C3orf52: variants seen among roughly 807,000 people sequenced by gnomAD.
C3orf52 encodes chromosome 3 open reading frame 52.
In C3orf52, 22 loss-of-function variants were observed where a neutral mutation model predicts 24.8. The observed-to-expected ratio is 0.89, with a 90% CI of 0.63 to 1.27. The LOEUF is 1.27. Among genes scored for constraint, C3orf52 ranks in the 50% most tolerant of loss-of-function variants. The pLI is 0.00. For synonymous variants in C3orf52, 93 were observed against 100.2 expected (o/e 0.93, Z 0.43); for missense variants, 265 against 260.7 (o/e 1.02, Z -0.11).
At position 112,093,405 on chromosome 3, in the gene C3orf52, G is replaced by A. The variant is rs2073896975; in HGVS notation, c.184G>A (p.Gly62Arg). The change falls in exon 2 of 6, where the codon GGA becomes AGA. Residue 62 changes from glycine (G) to arginine (R), a missense_variant. Gly to Arg is a moderately radical substitution (Grantham distance 125). Coordinates refer to ENST00000264848, the MANE Select transcript of C3orf52 (RefSeq NM_024616.3). The stretch of plus-strand genomic sequence containing the variant: ...GAGCTCCTGTAATAAGAATGTGGTT[G>A]GAAGATGCAAACTGTGGATGATCAT... ...PWSSCNKNVV[G>R]RCKLWMIITS... 1 of 1,613,762 alleles carries A rather than the reference G, an allele frequency of 6.2e-7. No individual in the cohort carries two copies. Among genetic ancestry groups the A allele is most frequent in the South Asian group, 1.1e-5 (1 of 91,078 alleles).
At chr3:112,095,587 A>G (rs1289653906) in intron 2 of C3orf52, among the ~76,000 whole-genome samples, 2 of 152,240 alleles carry the variant, frequency 1.3e-5, no homozygotes, top group African/African-American at 4.8e-5. Context: ...GTTATGGGAT[A>G]ATATTCAGGG....
At chr3:112,087,844 C>T (rs1181206758) in intron 1 of C3orf52, among the ~76,000 whole-genome samples, 1 of 152,172 alleles carries the variant, frequency 6.6e-6, no homozygotes, top group Non-Finnish European at 1.5e-5. Context: ...GACTCCCTAG[C>T]TTGGGGCTGA....
intron 4 of C3orf52, chr3:112,125,081 C>T: frequency 1.5e-6 from 1 of 670,686 alleles, no homozygotes; most frequent in Non-Finnish European, 2.7e-6. Context: ...CCTGCACCTG[C>T]CACCCGAGTT....
downstream of C3orf52, chr3:112,129,984 G>A (rs1330435432): frequency 6.3e-6 from 1 of 157,734 alleles, no homozygotes; most frequent in Non-Finnish European, 1.4e-5. Context: ...AAGAATTAAT[G>A]AGGTGGTCTT....
At chr3:112,103,324 T>A (rs1426745336) in intron 3 of C3orf52, among the ~76,000 whole-genome samples, 5 of 152,262 alleles carry the variant, frequency 3.3e-5, no homozygotes, top group Non-Finnish European at 7.4e-5. Context: ...GACACGAGTT[T>A]ACCTATAGAA....
chr3:112,116,389 C>T (rs2074133463), intron 5 of C3orf52, among the ~76,000 whole-genome samples: 1 of 152,148 alleles, frequency 6.6e-6, no homozygotes. Context: ...ACCACATCAT[C>T]AAAATTATTT....
At chr3:112,099,859 G>A (rs2073956517) in intron 2 of C3orf52, among the ~76,000 whole-genome samples, 1 of 152,184 alleles carries the variant, frequency 6.6e-6, no homozygotes, top group African/African-American at 2.4e-5. Flanking sequence ...AAGGCACCAT[G>A]CAGGATACTT....
chr3:112,102,872 T>G lies in C3orf52; in HGVS notation c.303T>G (p.Leu101=). ...TYVDEDENEI[L]ELSSNKTFFI... The stretch of plus-strand genomic sequence containing the variant: ...TTGATGAAGATGAAAATGAAATACT[T>G]GAATTATCATCAAACAAAACATTCT... The change falls in exon 3 of 6, where the codon CTT becomes CTG. Residue 101 remains leucine, a synonymous_variant. Transcript: ENST00000264848. 3.8e-6 allele frequency: 6 copies of G among 1,585,170 alleles called. No homozygotes were observed. The highest frequency in any genetic ancestry group is 5.2e-6 in the Non-Finnish European group (6 of 1,164,414).
At chr3:112,104,392 G>T (rs1048950065) in intron 3 of C3orf52, among the ~76,000 whole-genome samples, 2 of 152,166 alleles carry the variant, frequency 1.3e-5, no homozygotes, top group South Asian at 2.1e-4. Flanking sequence ...CTCTGCCATT[G>T]CTAGGTTGAA....
chr3:112,130,371 T>C, downstream of C3orf52: 1 of 1,185,152 alleles, frequency 8.4e-7, no homozygotes, highest in African/African-American at 1.5e-5. Context: ...CACTGGGATG[T>C]GAAGTCCAGG....
At chr3:112,107,060 C>T (rs2074032023) in intron 3 of C3orf52, among the ~76,000 whole-genome samples, 1 of 152,196 alleles carries the variant, frequency 6.6e-6, no homozygotes, top group African/African-American at 2.4e-5. Context: ...GTCCTAAGTA[C>T]AGCAGAGGAG....
intron 1 of C3orf52, among the ~76,000 whole-genome samples, chr3:112,087,938 C>T (rs1032038483): frequency 2.6e-5 from 4 of 152,208 alleles, no homozygotes; most frequent in Non-Finnish European, 5.9e-5. Flanking sequence ...TGTGCCTACT[C>T]GGCCTTCTGT....
At chr3:112,116,190 G>A (rs2074132083) in intron 5 of C3orf52, among the ~76,000 whole-genome samples, 1 of 152,178 alleles carries the variant, frequency 6.6e-6, no homozygotes, top group Non-Finnish European at 1.5e-5. Context: ...TGTAGACCCC[G>A]GCGGGCTCCC....
downstream of C3orf52, among the ~76,000 whole-genome samples, chr3:112,119,787 TC>T (rs2074171114): frequency 6.6e-6 from 1 of 152,264 alleles, no homozygotes; most frequent in Non-Finnish European, 1.5e-5. Context: ...CTTGAATCTT[TC>T]CTTTGTGACT....
downstream of C3orf52, chr3:112,134,040 A>G (rs1331576018): frequency 6.6e-6 from 1 of 152,326 alleles, no homozygotes; most frequent in African/African-American, 2.4e-5. Context: ...GCTGAACATC[A>G]AGAGGAGAAG....
intron 5 of C3orf52, among the ~76,000 whole-genome samples, chr3:112,114,299 A>C (rs1412032920): frequency 6.6e-6 from 1 of 152,086 alleles, no homozygotes; most frequent in African/African-American, 2.4e-5. Flanking sequence ...GAAGTCTCAT[A>C]AATGGAGATC....
chr3:112,111,924 T>C (rs1332766279), intron 4 of C3orf52: 2 of 152,206 alleles, frequency 1.3e-5, no homozygotes, highest in African/African-American at 2.4e-5. Flanking sequence ...TAGTAGAGTT[T>C]ATAAGCTCAA....
At chr3:112,127,935 G>T in intron 4 of C3orf52, 1 of 1,173,668 alleles carries the variant, frequency 8.5e-7, no homozygotes. Flanking sequence ...TGTGGCCACA[G>T]ACAGTCACAG....
chr3:112,101,631 C>T (rs1284999330), intron 2 of C3orf52, among the ~76,000 whole-genome samples: 1 of 152,190 alleles, frequency 6.6e-6, no homozygotes, highest in Non-Finnish European at 1.5e-5. Context: ...TATATTAACT[C>T]TTTTCTGCAC....
Sources: gnomAD v4.1 joint callset for allele counts (sites outside exome capture counted in the v4.1 genomes callset) on GRCh38, gnomAD v4.1.1 for gene constraint, MANE v1.5 for transcripts, NCBI Gene and HGNC (gene_info 2026-07-23, HGNC 2026-07-21) for gene names.